Variants in RBAK observed in about 807,000 individuals in gnomAD.
RBAK encodes RB-associated KRAB zinc finger protein.
Under a neutral mutation model 65.8 loss-of-function variants are expected in RBAK, and 39 were observed. That is an observed-to-expected ratio of 0.59 (90% CI 0.46 to 0.77). The LOEUF (loss-of-function observed/expected upper bound fraction) is 0.77, where lower values mean the gene tolerates loss of function less well. RBAK is among the 30% of genes least tolerant of loss of function. The pLI is 0.00. For synonymous variants in RBAK, 343 were observed against 289.7 expected (o/e 1.18, Z -1.87); for missense variants, 884 against 855.1 (o/e 1.03, Z -0.42).
At chr7:5,060,814 G>C (rs940120704) in intron 4 of RBAK, among the ~76,000 whole-genome samples, 2 of 152,228 alleles carry the variant, frequency 1.3e-5, no homozygotes, top group Non-Finnish European at 2.9e-5. Flanking sequence ...GTTGGTGTTT[G>C]GGGTGCTGGA....
chr7:5,064,527 G>A lies in RBAK; in HGVS notation c.1071G>A (p.Lys357=), dbSNP rs1227212706. The change falls in exon 5 of 5, where the codon AAG becomes AAA. Residue 357 remains lysine (K), a synonymous_variant. Coordinates refer to ENST00000396912, the MANE Select transcript of RBAK (RefSeq NM_021163.4). This position sits in a 1 kb window ranked among gnomAD's most constrained non-coding sequence, Gnocchi z 6.3. ...CSECGKTFCQ[K]THLTLHQRNH... ...AATGTGGGAAAACCTTCTGCCAAAA[G>A]ACACATCTCACCCTGCACCAGAGGA... 2 of 1,613,574 alleles carry A rather than the reference G, an allele frequency of 1.2e-6. No homozygotes were observed. Among genetic ancestry groups the A allele is most frequent in the South Asian group, 1.1e-5 (1 of 91,056 alleles).
chr7:5,046,645 CCCCTAACAG>C (rs1787992474), intron 1 of RBAK, among the ~76,000 whole-genome samples: 1 of 152,218 alleles, frequency 6.6e-6, no homozygotes, highest in Admixed American at 6.5e-5. Context: ...TCCCCGCTAA[CCCCTAACAG>C]CCCTTCCTCC....
In RBAK at chr7:5,059,376, A is replaced by T. The variant is rs372990130; in HGVS notation, c.238+1597A>T. Among the ~76,000 whole-genome samples the T allele has an allele frequency of 6.6e-4, 100 of 152,004 alleles. 1 individual carries two copies. Among genetic ancestry groups the T allele is most frequent in the South Asian group, 6.2e-4 (3 of 4,812 alleles). On this transcript the variant is annotated intron_variant, in intron 4 of 4. Transcript: ENST00000396912. ...ACTCTTGTCGCCCAGGCTGGAGTGC[A>T]ATGGCATGATCTCGGCTCACTGCAG... is the stretch of plus-strand genomic sequence containing the variant.
In RBAK at chr7:5,057,214, A is replaced by ACTTTACCGGTGGG. The variant is rs201149824; in HGVS notation, c.16-76_16-64dup. 3,365 of 1,607,194 alleles carry ACTTTACCGGTGGG rather than the reference A, an allele frequency of 2.1e-3. 67 individuals carry two copies. In the African/African-American group the frequency reaches 0.038, roughly 18 times the overall value. ...ATAAGGTATACAATGTTTATGGTTA[A>ACTTTACCGGTGGG]CTTTACCGGTGGGCTTTGTAAAACG... On this transcript the variant is annotated intron_variant, in intron 2 of 4. Transcript: ENST00000396912.
At position 5,065,491 on chromosome 7, in the gene RBAK, T is replaced by C; in HGVS notation, c.2035T>C (p.Tyr679His). The change falls in exon 5 of 5, where the codon TAT (tyrosine) becomes CAT (histidine). Residue 679 changes from tyrosine (Y) to histidine (H), a missense_variant. Transcript: ENST00000396912. The surrounding 1 kb of genome is among the most constrained non-coding windows in gnomAD (Gnocchi z 5.3). Reference sequence around the variant, plus strand: ...TAGAACTCATTCAGGAGAGAAACCCTATGAATGTAACGAGTGTGGGAAAAA... The same window carrying C: ...TAGAACTCATTCAGGAGAGAAACCCCATGAATGTAACGAGTGTGGGAAAAA... The part of the protein sequence containing the change: ...HYRTHSGEKP[Y>H]ECNECGKKFH... 1 of 1,605,930 alleles carries C rather than the reference T, an allele frequency of 6.2e-7. No homozygotes were observed. The highest frequency in any genetic ancestry group is 8.5e-7 in the Non-Finnish European group (1 of 1,174,126).
In RBAK at chr7:5,064,110, T is replaced by G; in HGVS notation, c.654T>G (p.Ala218=). 2.5e-6 allele frequency: 4 copies of G among 1,613,998 alleles called. No individual in the cohort carries two copies. The highest frequency in any genetic ancestry group is 3.4e-6 in the Non-Finnish European group (4 of 1,180,014). The change falls in exon 5 of 5, where the codon GCT becomes GCG. Residue 218 remains alanine, a synonymous_variant. Transcript: ENST00000396912. The surrounding 1 kb of genome is among the most constrained non-coding windows in gnomAD (Gnocchi z 6.3). ...GCATGGAAGCCTTAGACAATGAGGC[T>G]GTTTTTATTGCTCATAAGAGAGCTT... ...NECMEALDNE[A]VFIAHKRAYI...
At position 5,067,615 on chromosome 7, in the gene RBAK, C is replaced by T. The variant is rs1000556122; in HGVS notation, c.*2014C>T. On this transcript the variant is annotated 3_prime_UTR_variant, in exon 5 of 5. Transcript: ENST00000396912. ...AGAATTCATATGCATATTCAAAAGT[C>T]GAATAATTGTCAAGGCTATCCTGTA... 10 of 152,096 alleles carry T rather than the reference C, an allele frequency of 6.6e-5. No individual in the cohort carries two copies. Among genetic ancestry groups the T allele is most frequent in the Admixed American group, 1.3e-4 (2 of 15,266 alleles). The allele number at this position is 152,096 out of a possible 1,614,324, so 9.4% of individuals were successfully genotyped here. A position where few individuals can be genotyped will look rare whatever the true frequency, so the allele number is the denominator to read the frequency against.
Position 5,045,940 on chromosome 7 carries a change from G to C in RBAK, c.-501G>C. 1 of 338,704 alleles carries C rather than the reference G, an allele frequency of 3.0e-6. No homozygotes were observed. The highest frequency in any genetic ancestry group is 5.6e-6 in the Non-Finnish European group (1 of 178,530). 21.0% of individuals were successfully genotyped at this position (338,704 alleles called of 1,614,324 possible). On this transcript the variant is annotated 5_prime_UTR_variant, in exon 1 of 5. Coordinates refer to ENST00000396912, the MANE Select transcript of RBAK (RefSeq NM_021163.4). ...TTGGCCTCCAGTGGACGAGAATCGCGGAGCCTGCGGGGCTGGAGGTTGAGC... is the reference window on the plus strand; with the variant it reads ...TTGGCCTCCAGTGGACGAGAATCGCCGAGCCTGCGGGGCTGGAGGTTGAGC...
intron 4 of RBAK, among the ~76,000 whole-genome samples, chr7:5,062,684 A>T (rs1370346683): frequency 6.6e-6 from 1 of 152,112 alleles, no homozygotes; most frequent in Non-Finnish European, 1.5e-5. Flanking sequence ...ACTATGGGAG[A>T]CTGGGATTTA....
In RBAK at chr7:5,048,596, G is replaced by T. The variant is rs891656680; in HGVS notation, c.15+505G>T. Among the ~76,000 whole-genome samples, 1 of 152,228 alleles carries T rather than the reference G, an allele frequency of 6.6e-6. No individual in the cohort carries two copies. Among genetic ancestry groups the T allele is most frequent in the African/African-American group, 2.4e-5 (1 of 41,452 alleles). On this transcript the variant is annotated intron_variant, in intron 2 of 4. Coordinates refer to ENST00000396912, the MANE Select transcript of RBAK (RefSeq NM_021163.4). This position sits in a 1 kb window ranked among gnomAD's most constrained non-coding sequence, Gnocchi z 4.4. ...GTATGTGTGGATAGTAGATTTTAAG[G>T]CTGTTGAAATTGAGCCGCACCCAGG...
At chr7:5,062,725 C>T (rs762816443) in intron 4 of RBAK, among the ~76,000 whole-genome samples, 41 of 152,166 alleles carry the variant, frequency 2.7e-4, no homozygotes, top group Non-Finnish European at 4.6e-4. Context: ...CCATAGACGA[C>T]GGCCACACCT....
intron 2 of RBAK, among the ~76,000 whole-genome samples, chr7:5,052,798 C>T (rs1470001860): frequency 2.0e-5 from 3 of 152,102 alleles, no homozygotes; most frequent in Non-Finnish European, 2.9e-5. Context: ...CTCACTCTGT[C>T]CCCCAGGCTG....
At chr7:5,049,563 C>G (rs1009733343) in intron 2 of RBAK, among the ~76,000 whole-genome samples, 2 of 152,164 alleles carry the variant, frequency 1.3e-5, no homozygotes, top group Admixed American at 6.5e-5. Context: ...TTTCCTAGCC[C>G]CTACCTCCCA....
Position 5,065,687 on chromosome 7 carries a change from C to A in RBAK, c.*86C>A. On this transcript the variant is annotated 3_prime_UTR_variant, in exon 5 of 5. Coordinates refer to ENST00000396912, the MANE Select transcript of RBAK (RefSeq NM_021163.4). This position sits in a 1 kb window ranked among gnomAD's most constrained non-coding sequence, Gnocchi z 5.3. ...AAGTCAAAGCGTTTATCTGAGAGTT[C>A]GTGTTCCTGAACGGTGAGAAGCATT... 1 of 1,032,318 alleles carries A rather than the reference C, an allele frequency of 9.7e-7. No individual in the cohort carries two copies. Among genetic ancestry groups the A allele is most frequent in the Non-Finnish European group, 1.3e-6 (1 of 746,150 alleles). The allele number at this position is 1,032,318 out of a possible 1,614,324, so 63.9% of individuals were successfully genotyped here.
rs780527473 is a variant in RBAK, at chr7:5,046,224, G to T, written c.-217G>T. ...CCGAGGGAGGCGGATCTGGGTCCCG[G>T]GAAGGACACCCGCCTGGATTTGCCC... On this transcript the variant is annotated 5_prime_UTR_variant, in exon 1 of 5. Coordinates refer to ENST00000396912, the MANE Select transcript of RBAK (RefSeq NM_021163.4). The T allele has an allele frequency of 5.9e-6, 3 of 505,032 alleles. No individual in the cohort carries two copies. The highest frequency in any genetic ancestry group is 7.9e-6 in the Non-Finnish European group (2 of 254,592). The allele number at this position is 505,032 out of a possible 1,614,324, so 31.3% of individuals were successfully genotyped here. A position where few individuals can be genotyped will look rare whatever the true frequency, so the allele number is the denominator to read the frequency against.
At chr7:5,054,555 G>A (rs1460969491) in intron 2 of RBAK, among the ~76,000 whole-genome samples, 1 of 151,868 alleles carries the variant, frequency 6.6e-6, no homozygotes, top group African/African-American at 2.4e-5. Flanking sequence ...ACAACTGAGG[G>A]CAGAAGTCCT....
chr7:5,061,641 T>A (rs1779074588), intron 4 of RBAK, among the ~76,000 whole-genome samples: 1 of 151,184 alleles, frequency 6.6e-6, no homozygotes, highest in Admixed American at 6.6e-5. Flanking sequence ...CTCGTGTTTG[T>A]AATCCCAGCA....
chr7:5,059,842 C>G (rs996924682), intron 4 of RBAK, among the ~76,000 whole-genome samples: 13 of 152,164 alleles, frequency 8.5e-5, no homozygotes, highest in Admixed American at 3.3e-4. Context: ...TGATTATATG[C>G]TCTGATAGGA....
chr7:5,046,329 G>C lies in RBAK; in HGVS notation c.-112G>C. 1 of 515,436 alleles carries C rather than the reference G, an allele frequency of 1.9e-6. No homozygotes were observed. The highest frequency in any genetic ancestry group is 3.9e-6 in the Non-Finnish European group (1 of 259,192). 31.9% of individuals were successfully genotyped at this position (515,436 alleles called of 1,614,324 possible). A position where few individuals can be genotyped will look rare whatever the true frequency, so the allele number is the denominator to read the frequency against. On this transcript the variant is annotated 5_prime_UTR_variant, in exon 1 of 5. Transcript: ENST00000396912. ...GAGGGGACCTCGCGAGCAGACGCGC[G>C]CCAGCGACAGCAGCCCCGCCCCGGC...
Sources: allele counts gnomAD v4.1 joint callset (sites outside exome capture counted in the v4.1 genomes callset), GRCh38; gene constraint gnomAD v4.1.1; non-coding constraint Gnocchi (gnomAD v3.1); transcripts MANE v1.5; gene names NCBI Gene and HGNC (gene_info 2026-07-23, HGNC 2026-07-21).